ROBO1: variants seen among roughly 807,000 people sequenced by gnomAD.
ROBO1 encodes the protein roundabout guidance receptor 1, also known as roundabout homolog 1.
A neutral mutation model predicts 195.9 loss-of-function variants in ROBO1; 149 were observed. The observed-to-expected ratio is 0.76, with a 90% CI of 0.67 to 0.87. The LOEUF (loss-of-function observed/expected upper bound fraction) is 0.87, where lower values mean the gene tolerates loss of function less well. Among genes scored for constraint, ROBO1 ranks in the 40% least tolerant of loss-of-function variants. ROBO1 has a pLI of 0.00. For missense variants in ROBO1, 1,933 were observed against 2,068.3 expected (o/e 0.93, Z 1.27); for synonymous variants, 816 against 733.2 (o/e 1.11, Z -1.82).
chr3:79,105,142 A>G (rs979060273), intron 3 of ROBO1, among the ~76,000 whole-genome samples: 23 of 151,880 alleles, frequency 1.5e-4, no homozygotes, highest in Non-Finnish European at 3.4e-4. Context: ...ATGATGGTAT[A>G]ATTTGTATGA....
chr3:78,794,956 A>G (rs769106972), intron 4 of ROBO1, among the ~76,000 whole-genome samples: 7 of 152,218 alleles, frequency 4.6e-5, no homozygotes, highest in Non-Finnish European at 1.0e-4. Flanking sequence ...TTCATTTCAA[A>G]TAATTTCAGA....
At chr3:79,284,133 A>G (rs1322851396) in intron 2 of ROBO1, among the ~76,000 whole-genome samples, 1 of 151,766 alleles carries the variant, frequency 6.6e-6, no homozygotes, top group Admixed American at 6.6e-5. Context: ...ATCAGGAATA[A>G]ATGTTTCTCT....
intron 1 of ROBO1, among the ~76,000 whole-genome samples, chr3:79,667,119 T>C (rs544444657): frequency 3.2e-4 from 49 of 152,042 alleles, no homozygotes; most frequent in Admixed American, 2.4e-3. Flanking sequence ...GTAAATGACA[T>C]ACATTACCTG....
At chr3:79,748,151 A>T (rs575163365) in intron 1 of ROBO1, among the ~76,000 whole-genome samples, 26 of 152,252 alleles carry the variant, frequency 1.7e-4, no homozygotes, top group African/African-American at 6.3e-4. Flanking sequence ...TATTTCAAAT[A>T]ACAAATAGTA....
intron 2 of ROBO1, among the ~76,000 whole-genome samples, chr3:79,313,049 C>T (rs568314756): frequency 1.9e-4 from 28 of 151,320 alleles, no homozygotes; most frequent in African/African-American, 5.8e-4. Flanking sequence ...TAGCAGGGGG[C>T]GGTGGTGGGC....
At chr3:78,856,479 T>C (rs2106929239) in intron 4 of ROBO1, among the ~76,000 whole-genome samples, 1 of 151,930 alleles carries the variant, frequency 6.6e-6, no homozygotes, top group East Asian at 1.9e-4. Flanking sequence ...TGAAGGTCAT[T>C]GAATTTTTCA....
At chr3:78,942,208 A>G (rs2040179624) in intron 3 of ROBO1, among the ~76,000 whole-genome samples, 1 of 151,958 alleles carries the variant, frequency 6.6e-6, no homozygotes, top group Non-Finnish European at 1.5e-5. Context: ...GCTCAGGTGC[A>G]ATGATCACCT....
rs372765725 is a variant in ROBO1, at chr3:78,813,424, A to T, written c.500-66524T>A. 2.6e-5 allele frequency among the ~76,000 whole-genome samples: 4 copies of T among 152,216 alleles called. No individual in the cohort carries two copies. The South Asian group carries it at 8.3e-4, about 32-fold the overall frequency. On this transcript the variant is annotated intron_variant, in intron 4 of 30. Transcript: ENST00000464233. Reference sequence around the variant, plus strand: ...ACAAGGGATAAATACATGTATAAAGATCTAAAAACTGTCGTGTCTTTATTC... The same window carrying T: ...ACAAGGGATAAATACATGTATAAAGTTCTAAAAACTGTCGTGTCTTTATTC...
chr3:79,711,841 T>A, intron 1 of ROBO1, among the ~76,000 whole-genome samples: 1 of 140,720 alleles, frequency 7.1e-6, no homozygotes, highest in Admixed American at 8.4e-5. Flanking sequence ...GGCAATATTT[T>A]AAAACTTTTC....
intron 2 of ROBO1, among the ~76,000 whole-genome samples, chr3:79,406,948 T>A (rs1389399500): frequency 6.6e-6 from 1 of 152,150 alleles, no homozygotes; most frequent in Non-Finnish European, 1.5e-5. Context: ...AGACAGAGTC[T>A]GGCTCTGTTG....
intron 2 of ROBO1, among the ~76,000 whole-genome samples, chr3:79,196,293 A>C (rs1382608431): frequency 2.3e-5 from 3 of 130,754 alleles, no homozygotes; most frequent in African/African-American, 8.7e-5. Context: ...TTTTTTTTTC[A>C]GTTGGAGAGA....
intron 1 of ROBO1, among the ~76,000 whole-genome samples, chr3:79,644,017 A>G (rs1192827325): frequency 6.6e-6 from 1 of 152,170 alleles, no homozygotes; most frequent in Non-Finnish European, 1.5e-5. Context: ...AGAGATGGAA[A>G]AAATATTTGA....
At chr3:79,574,187 T>C (rs1943371238) in intron 2 of ROBO1, among the ~76,000 whole-genome samples, 1 of 152,158 alleles carries the variant, frequency 6.6e-6, no homozygotes, top group African/African-American at 2.4e-5. Context: ...GATATATCTC[T>C]GAGTCTATCA....
chr3:78,639,355 C>T lies in ROBO1; in HGVS notation c.3037+389G>A, dbSNP rs542697280. The stretch of plus-strand genomic sequence containing the variant: ...GTGCAGGCCTGTAGTCCCAGCTACT[C>T]GGGAGGCTGAGGCATGAGAATCACT... On this transcript the variant is annotated intron_variant, in intron 22 of 30. Coordinates refer to ENST00000464233, the MANE Select transcript of ROBO1 (RefSeq NM_002941.4). Among the ~76,000 whole-genome samples, 21 of 150,126 alleles carry T rather than the reference C, an allele frequency of 1.4e-4. No homozygotes were observed. The South Asian group carries it at 2.8e-3, about 20-fold the overall frequency.
intron 3 of ROBO1, among the ~76,000 whole-genome samples, chr3:78,993,402 T>C (rs1012256549): frequency 2.6e-5 from 4 of 152,306 alleles, no homozygotes; most frequent in African/African-American, 9.6e-5. Flanking sequence ...GTAAATTCCT[T>C]GAATTTGAGT....
chr3:79,696,475 C>A (rs982151850), intron 1 of ROBO1, among the ~76,000 whole-genome samples: 1 of 149,234 alleles, frequency 6.7e-6, no homozygotes, highest in Non-Finnish European at 1.5e-5. Flanking sequence ...TATATATACA[C>A]ACACAGGTAT....
intron 2 of ROBO1, among the ~76,000 whole-genome samples, chr3:79,160,849 G>C (rs1280181795): frequency 6.6e-6 from 1 of 151,904 alleles, no homozygotes; most frequent in East Asian, 1.9e-4. Flanking sequence ...TGTAACTGGG[G>C]CTAAGCCTCA....
In ROBO1 at chr3:79,721,936, C is replaced by T. The variant is rs578027227; in HGVS notation, c.-51+45816G>A. Among the ~76,000 whole-genome samples, 15 of 152,298 alleles carry T rather than the reference C, an allele frequency of 9.8e-5. No individual in the cohort carries two copies. The East Asian group carries it at 1.9e-3, about 20-fold the overall frequency. ...AACTAGTTTAAGATCACATTGAAAACAGACTGTGCCAGTTAACGAGAATGA... is the reference window on the plus strand; with the variant it reads ...AACTAGTTTAAGATCACATTGAAAATAGACTGTGCCAGTTAACGAGAATGA... On this transcript the variant is annotated intron_variant, in intron 1 of 30. Coordinates refer to ENST00000464233, the MANE Select transcript of ROBO1 (RefSeq NM_002941.4).
At chr3:79,555,838 T>C (rs1024501583) in intron 2 of ROBO1, among the ~76,000 whole-genome samples, 1 of 152,148 alleles carries the variant, frequency 6.6e-6, no homozygotes, top group African/African-American at 2.4e-5. Context: ...TTATGTCATC[T>C]TGAGTGACAG....
Sources: allele counts gnomAD v4.1 joint callset (sites outside exome capture counted in the v4.1 genomes callset), GRCh38; gene constraint gnomAD v4.1.1; transcripts MANE v1.5; gene names NCBI Gene and HGNC (gene_info 2026-07-23, HGNC 2026-07-21).